The following DDX24 variants were observed in gnomAD, a reference collection of about 807,000 sequenced individuals.
DDX24 encodes ATP-dependent RNA helicase DDX24.
DDX24 carries 24 observed loss-of-function variants against 68.9 expected under a neutral mutation model. That is an observed-to-expected ratio of 0.35 (90% CI 0.25 to 0.49). DDX24 has a LOEUF of 0.49. DDX24 is among the 20% of genes least tolerant of loss of function. The pLI, the probability that DDX24 is intolerant of heterozygous loss-of-function variation, is 0.99. For missense variants in DDX24, 989 were observed against 1,039.0 expected (o/e 0.95, Z 0.66); for synonymous variants, 395 against 385.2 (o/e 1.03, Z -0.30).
intron 2 of DDX24, among the ~76,000 whole-genome samples, chr14:94,074,008 A>T (rs1400356938): frequency 6.7e-6 from 1 of 150,338 alleles, no homozygotes; most frequent in African/African-American, 2.5e-5. Flanking sequence ...GCACCACTGC[A>T]CTCCAGCCTG....
At chr14:94,068,076 T>G (rs1279727356) in intron 2 of DDX24, among the ~76,000 whole-genome samples, 1 of 152,142 alleles carries the variant, frequency 6.6e-6, no homozygotes, top group Non-Finnish European at 1.5e-5. Flanking sequence ...GCAGAATGGA[T>G]GCAGAACTCA....
At chr14:94,065,104 C>T (rs982225341) in intron 2 of DDX24, among the ~76,000 whole-genome samples, 6 of 150,320 alleles carry the variant, frequency 4.0e-5, no homozygotes, top group African/African-American at 1.5e-4. Context: ...GGCTGGAGTA[C>T]AGTGGTACAA....
At chr14:94,062,029 A>C in intron 3 of DDX24, 68 bp downstream of exon 3, 2 of 1,484,362 alleles carry the variant, frequency 1.3e-6, no homozygotes, top group Non-Finnish European at 1.8e-6. Flanking sequence ...GCCACAGCTC[A>C]TTCATCTTTA....
intron 2 of DDX24, among the ~76,000 whole-genome samples, chr14:94,076,211 C>T (rs1246761258): frequency 4.6e-5 from 7 of 152,074 alleles, no homozygotes; most frequent in African/African-American, 1.2e-4. Flanking sequence ...GCACAAATGT[C>T]CATCAATAGA....
At chr14:94,079,894 C>G in intron 1 of DDX24, 147 bp from the exon 2 acceptor site, 1 of 744,770 alleles carries the variant, frequency 1.3e-6, no homozygotes. Context: ...TAGAGAAGAA[C>G]AAAGAATACC....
rs1388563931 is a variant in DDX24 at position 94,071,379 on chromosome 14, T to G, written c.718+7646A>C. Among the ~76,000 whole-genome samples the G allele has an allele frequency of 2.6e-5, 4 of 152,340 alleles. No homozygotes were observed. The South Asian group carries it at 8.3e-4, about 32-fold the overall frequency. On this transcript the variant is annotated intron_variant, in intron 2 of 8. Coordinates refer to ENST00000621632, the MANE Select transcript of DDX24 (RefSeq NM_020414.4). ...AGTAGATGTTGGCAGCCAGGCACGG[T>G]TGCTCATGCCTGTAATCCCAGCACT... is the stretch of plus-strand genomic sequence containing the variant.
At chr14:94,057,128 G>A (rs1252090974) in intron 6 of DDX24, 6 of 152,184 alleles carry the variant, frequency 3.9e-5, no homozygotes, top group Admixed American at 3.9e-4. Flanking sequence ...CAATGACACT[G>A]AAACCAGAGG....
intron 2 of DDX24, among the ~76,000 whole-genome samples, chr14:94,077,238 G>T (rs1035444807): frequency 2.0e-5 from 3 of 152,146 alleles, no homozygotes; most frequent in Non-Finnish European, 4.4e-5. Context: ...CACATTAAGG[G>T]TCTATTTATT....
rs762073046 is a variant in DDX24 at position 94,062,377 on chromosome 14, A to C, written c.963T>G (p.Thr321=). 3.1e-6 allele frequency: 5 copies of C among 1,614,234 alleles called. No individual in the cohort carries two copies. In the South Asian group the frequency reaches 5.5e-5, roughly 18 times the overall value. The change falls in exon 3 of 9, where the codon ACT becomes ACG. Residue 321 remains threonine (T), a synonymous_variant. Transcript: ENST00000621632. ...ACGCCTGGTCTGAGACAGTGCCTCC[A>C]GTCTTGGCTCTGGCCTCGGCTGCAA... is the stretch of plus-strand genomic sequence containing the variant. ...SDIAAEARAK[T]GGTVSDQALL... is the part of the protein sequence containing the mutation.
At chr14:94,067,314 A>G (rs1466966734) in intron 2 of DDX24, among the ~76,000 whole-genome samples, 1 of 152,130 alleles carries the variant, frequency 6.6e-6, no homozygotes, top group Non-Finnish European at 1.5e-5. Flanking sequence ...AAAAATGAAC[A>G]AAGGCTCTAA....
chr14:94,058,534 G>A lies in DDX24; in HGVS notation c.1914-637C>T, dbSNP rs533735639. ...CCCTCTACTAGAATGTAAGCTTCAT[G>A]AGAGCAAGGACTTTGCATTACTCAC... On this transcript the variant is annotated intron_variant, in intron 5 of 8. Transcript: ENST00000621632. Among the ~76,000 whole-genome samples, 5 of 152,292 alleles carry A rather than the reference G, an allele frequency of 3.3e-5. No individual in the cohort carries two copies. The South Asian group carries it at 1.0e-3, about 32-fold the overall frequency.
intron 7 of DDX24, 68 bp from the exon 8 acceptor site, chr14:94,053,195 T>G: frequency 1.2e-6 from 2 of 1,604,372 alleles, no homozygotes; most frequent in Non-Finnish European, 1.7e-6. Flanking sequence ...AAAGTCTCAC[T>G]TGAGTTGTGT....
At chr14:94,052,397 A>G (rs951569025) in intron 8 of DDX24, among the ~76,000 whole-genome samples, 1 of 152,216 alleles carries the variant, frequency 6.6e-6, no homozygotes, top group Non-Finnish European at 1.5e-5. Context: ...TCTAGTTTCC[A>G]TATGTAAAAG....
At chr14:94,074,057 AG>A (rs2141435201) in intron 2 of DDX24, among the ~76,000 whole-genome samples, 2 of 151,822 alleles carry the variant, frequency 1.3e-5, no homozygotes, top group African/African-American at 4.8e-5. Context: ...AAAAAAAAAA[AG>A]AAAAAAATAA....
chr14:94,061,907 C>T (rs968209966), intron 3 of DDX24, among the ~76,000 whole-genome samples, 190 bp downstream of exon 3: 2 of 152,160 alleles, frequency 1.3e-5, no homozygotes, highest in Admixed American at 1.3e-4. Flanking sequence ...TCCACAATGG[C>T]ACCAACCATG....
chr14:94,051,209 TGGCTGTGGCTGTTCC>T lies in DDX24; in HGVS notation c.2547_2561del (p.Glu850_Pro854del), dbSNP rs777403880. The T allele has an allele frequency of 1.5e-5, 23 of 1,564,240 alleles. No homozygotes were observed. Among genetic ancestry groups the T allele is most frequent in the Non-Finnish European group, 1.8e-5 (21 of 1,156,242 alleles). ...TGACCAGTTAATTTGCACTTGTACT[TGGCTGTGGCTGTTCC>T]GGCTGTGGCTCCTTCGGCTTCTTTG... On this transcript the variant is annotated inframe_deletion, in exon 9 of 9. Transcript: ENST00000621632.
At chr14:94,073,108 T>G in intron 2 of DDX24, among the ~76,000 whole-genome samples, 1 of 142,940 alleles carries the variant, frequency 7.0e-6, no homozygotes, top group East Asian at 2.0e-4. Flanking sequence ...TTTTTTGAGA[T>G]AGAGTCTCAC....
In DDX24 at chr14:94,060,334, C is replaced by T. The variant is rs1463500250; in HGVS notation, c.1677G>A (p.Thr559=). 3.1e-6 allele frequency: 5 copies of T among 1,614,194 alleles called. No homozygotes were observed. The highest frequency in any genetic ancestry group is 1.3e-5 in the African/African-American group (1 of 75,046). ...KVIDLTRNEA[T]VETLTETKIH... ...TCTTGGTCTCTGTTAGCGTCTCCAC[C>T]GTGGCCTCATTCCTTGTGAGGTCAA... The change falls in exon 5 of 9, where the codon ACG becomes ACA. Residue 559 remains threonine (T), a synonymous_variant. Coordinates refer to ENST00000621632, the MANE Select transcript of DDX24 (RefSeq NM_020414.4).
At chr14:94,054,930 G>A in intron 7 of DDX24, 66 bp downstream of exon 7, 2 of 1,540,790 alleles carry the variant, frequency 1.3e-6, no homozygotes, top group East Asian at 2.3e-5. Flanking sequence ...GAGTCCCACA[G>A]CAAGGTGCTC....
Sources: allele counts gnomAD v4.1 joint callset (sites outside exome capture counted in the v4.1 genomes callset), GRCh38; gene constraint gnomAD v4.1.1; transcripts MANE v1.5; gene names NCBI Gene and HGNC (gene_info 2026-07-23, HGNC 2026-07-21).